Variants in CIT observed in about 807,000 individuals in gnomAD.
CIT encodes citron rho-interacting serine/threonine kinase, also known as citron Rho-interacting kinase.
Under a neutral mutation model 272.7 loss-of-function variants are expected in CIT, and 79 were observed. The ratio of observed to expected loss-of-function variants is 0.29; its 90% CI spans 0.24 to 0.35. The LOEUF is 0.35. Among genes scored for constraint, CIT ranks in the 10% least tolerant of loss-of-function variants. The pLI is 1.00. For synonymous variants in CIT, 948 were observed against 995.6 expected (o/e 0.95, Z 0.90); for missense variants, 1,909 against 2,618.3 (o/e 0.73, Z 5.91).
intron 10 of CIT, among the ~76,000 whole-genome samples, chr12:119,789,676 C>T (rs1211612042): frequency 6.6e-6 from 1 of 152,052 alleles, no homozygotes; most frequent in Non-Finnish European, 1.5e-5. Context: ...AATTTATTTT[C>T]TTTTTCTAAG....
chr12:119,825,279 G>T lies in CIT; in HGVS notation c.843C>A (p.Gly281=). Reference sequence around the variant, plus strand: ...CCACTGACCACCAGTCACAGTCCAGGCCGTAGGTGCCTTTTCCATCCCCGT... The same window carrying T: ...CCACTGACCACCAGTCACAGTCCAGTCCGTAGGTGCCTTTTCCATCCCCGT... ...VMNGDGKGTY[G]LDCDWWSVGV... Residue 281 remains glycine (G), a synonymous_variant, in exon 8 of 48, where the codon GGC becomes GGA. Coordinates refer to ENST00000392521, the MANE Select transcript of CIT (RefSeq NM_001206999.2). 9 of 1,614,114 alleles carry T rather than the reference G, an allele frequency of 5.6e-6. No homozygotes were observed. Among genetic ancestry groups the T allele is most frequent in the Non-Finnish European group, 6.8e-6 (8 of 1,180,020 alleles).
At chr12:119,868,101 G>A (rs1441542470) in intron 3 of CIT, among the ~76,000 whole-genome samples, 1 of 152,010 alleles carries the variant, frequency 6.6e-6, no homozygotes, top group African/African-American at 2.4e-5. Context: ...GCGTGGTAGT[G>A]TGAGCCTGTA....
chr12:119,802,492 T>G (rs946463396), intron 10 of CIT, among the ~76,000 whole-genome samples: 1 of 152,192 alleles, frequency 6.6e-6, no homozygotes, highest in Admixed American at 6.5e-5. Flanking sequence ...TATTTATATT[T>G]CCATTTTCTA....
chr12:119,701,572 T>A, intron 43 of CIT, 52 bp downstream of exon 43: 3 of 1,596,836 alleles, frequency 1.9e-6, no homozygotes, highest in Non-Finnish European at 2.6e-6. Flanking sequence ...CCCTCATGGG[T>A]CCCTAGTGTC....
At chr12:119,789,961 G>A (rs1315053021) in intron 10 of CIT, among the ~76,000 whole-genome samples, 1 of 151,024 alleles carries the variant, frequency 6.6e-6, no homozygotes, top group Non-Finnish European at 1.5e-5. Flanking sequence ...TGATCTGCCC[G>A]CCTCAGCCTC....
At chr12:119,722,917 C>G (rs1957878648) in intron 28 of CIT, among the ~76,000 whole-genome samples, 1 of 152,112 alleles carries the variant, frequency 6.6e-6, no homozygotes, top group Non-Finnish European at 1.5e-5. Context: ...GGGCCAGGCA[C>G]AGTGGCTCAC....
At chr12:119,775,670 C>G in intron 16 of CIT, 116 bp downstream of exon 16, 1 of 733,778 alleles carries the variant, frequency 1.4e-6, no homozygotes, top group Non-Finnish European at 2.3e-6. Context: ...CTTCATTTTC[C>G]TCAGCGCTGG....
At chr12:119,699,643 G>A (rs1956437110) in intron 44 of CIT, 1 of 356,256 alleles carries the variant, frequency 2.8e-6, no homozygotes, top group Non-Finnish European at 5.6e-6. Context: ...ACCAGCCGCA[G>A]CTAAGCGCCC....
At chr12:119,788,993 A>G (rs1456309228) in intron 10 of CIT, among the ~76,000 whole-genome samples, 1 of 152,160 alleles carries the variant, frequency 6.6e-6, no homozygotes, top group East Asian at 1.9e-4. Context: ...CAATCATGGG[A>G]TTGGAGGATG....
At chr12:119,704,334 G>A (rs367795177) in intron 41 of CIT, 29 bp downstream of exon 41, 10 of 1,604,762 alleles carry the variant, frequency 6.2e-6, no homozygotes, top group South Asian at 3.3e-5. Flanking sequence ...GCTTTCCCAC[G>A]TTCAACCAAG....
At chr12:119,862,840 A>AAAAAAAAAAAAAAAAAAAAAAAG (rs1950393140) in intron 3 of CIT, among the ~76,000 whole-genome samples, 1 of 122,728 alleles carries the variant, frequency 8.1e-6, no homozygotes, top group African/African-American at 3.6e-5. Context: ...AAAAAAAAAA[A>AAAAAAAAAAAAAAAAAAAAAAAG]GAAAAAACCA....
intron 27 of CIT, among the ~76,000 whole-genome samples, chr12:119,729,819 G>T (rs1033428417): frequency 5.9e-5 from 9 of 152,140 alleles, no homozygotes; most frequent in Non-Finnish European, 1.3e-4. Flanking sequence ...TTTTGTGTGT[G>T]TATGTGCATG....
At chr12:119,787,858 T>C (rs1015568679) in intron 10 of CIT, among the ~76,000 whole-genome samples, 17 of 150,730 alleles carry the variant, frequency 1.1e-4, no homozygotes, top group Non-Finnish European at 1.5e-4. Context: ...ATTACCAACC[T>C]ACTTCAAAGA....
rs140500602 is a variant in CIT at position 119,857,294 on chromosome 12, A to C, written c.414+229T>G. On this transcript the variant is annotated intron_variant, in intron 4 of 47. Transcript: ENST00000392521. ...CTTGGTTCTGAAATAAATTACAACGATAGAAACATGATACATCAAGAGGAA... is the reference window on the plus strand; with the variant it reads ...CTTGGTTCTGAAATAAATTACAACGCTAGAAACATGATACATCAAGAGGAA... 0.013 allele frequency among the ~76,000 whole-genome samples: 1,971 copies of C among 152,354 alleles called. 30 individuals carry two copies. The highest frequency in any genetic ancestry group is 0.014 in the Non-Finnish European group (953 of 68,034).
At chr12:119,776,458 A>G (rs771675079) in intron 14 of CIT, 50 bp from the exon 15 acceptor site, 1 of 1,501,706 alleles carries the variant, frequency 6.7e-7, no homozygotes, top group South Asian at 1.1e-5. Flanking sequence ...AACCTAAAAA[A>G]GTCGTGTAGA....
chr12:119,734,683 C>A (rs1372134376), intron 25 of CIT, among the ~76,000 whole-genome samples: 3 of 152,160 alleles, frequency 2.0e-5, no homozygotes, highest in Non-Finnish European at 4.4e-5. Flanking sequence ...GTCACCCAGG[C>A]TGGAGTACAG....
In CIT at chr12:119,718,716, C is replaced by T. The variant is rs1238305900; in HGVS notation, c.3986G>A (p.Arg1329Gln). The change falls in exon 31 of 48, where the codon CGG becomes CAG. Residue 1329 changes from arginine (R) to glutamine (Q), a missense_variant. Around this residue, in one of 8 missense-constraint regions of CIT, gnomAD observed 780 missense variants for 1,067.2 expected, o/e 0.73. Transcript: ENST00000392521. The surrounding 1 kb of genome is among the most constrained non-coding windows in gnomAD (Gnocchi z 4.8). ...EALQKTRIEL[R>Q]SAREEAAHRK... Reference sequence around the variant, plus strand: ...GCCCCTACCTTCCTCCCGGGCGGACCGGAGCTCGATGCGGGTCTTCTGAAG... The same window carrying T: ...GCCCCTACCTTCCTCCCGGGCGGACTGGAGCTCGATGCGGGTCTTCTGAAG... The T allele has an allele frequency of 3.1e-6, 5 of 1,613,434 alleles. No homozygotes were observed. The highest frequency in any genetic ancestry group is 1.3e-5 in the African/African-American group (1 of 74,884).
chr12:119,793,373 G>A (rs1965479362), intron 10 of CIT, among the ~76,000 whole-genome samples: 1 of 152,110 alleles, frequency 6.6e-6, no homozygotes, highest in Admixed American at 6.5e-5. Flanking sequence ...CCTCTCACCT[G>A]GATGACTGCA....
chr12:119,791,699 C>T (rs1210137104), intron 10 of CIT, among the ~76,000 whole-genome samples: 1 of 152,216 alleles, frequency 6.6e-6, no homozygotes, highest in African/African-American at 2.4e-5. Flanking sequence ...GCTGTCTCTT[C>T]GAGCACGAAG....
Sources: gnomAD v4.1 joint callset for allele counts (sites outside exome capture counted in the v4.1 genomes callset) on GRCh38, gnomAD v4.1.1 for gene constraint, gnomAD v4.1.1 regional missense constraint, Gnocchi (gnomAD v3.1) non-coding constraint, MANE v1.5 for transcripts, NCBI Gene and HGNC (gene_info 2026-07-23, HGNC 2026-07-21) for gene names.